Variants in SLC25A12 observed in about 807,000 individuals in gnomAD.
SLC25A12 encodes electrogenic aspartate/glutamate antiporter SLC25A12, mitochondrial.
In SLC25A12, 32 loss-of-function variants were observed where a neutral mutation model predicts 83.3. The ratio of observed to expected loss-of-function variants is 0.38; its 90% CI spans 0.29 to 0.52. SLC25A12 has a LOEUF of 0.52. Among genes scored for constraint, SLC25A12 ranks in the 20% least tolerant of loss-of-function variants. The pLI is 0.84. For missense variants in SLC25A12, 611 were observed against 835.6 expected, an observed-to-expected ratio of 0.73 and a Z score of 3.31; for synonymous variants, 267 against 291.1, an observed-to-expected ratio of 0.92 and a Z score of 0.84.
At chr2:171,818,760 C>A (rs1201981017) in intron 9 of SLC25A12, among the ~76,000 whole-genome samples, 1 of 151,954 alleles carries the variant, frequency 6.6e-6, no homozygotes, top group African/African-American at 2.4e-5. Context: ...TGTCAGTTAA[C>A]AAGTCAAACC....
chr2:171,874,989 G>C (rs571980094), intron 2 of SLC25A12, among the ~76,000 whole-genome samples: 1 of 152,268 alleles, frequency 6.6e-6, no homozygotes, highest in East Asian at 1.9e-4. Context: ...TGGGAAATTG[G>C]CTGTTCGCAA....
intron 2 of SLC25A12, among the ~76,000 whole-genome samples, chr2:171,882,320 C>G (rs1039082461): frequency 1.6e-4 from 24 of 152,214 alleles, no homozygotes; most frequent in Non-Finnish European, 2.1e-4. Context: ...CAGAGGTGAG[C>G]ATGTGAACCA....
Position 171,813,633 on chromosome 2 carries a change from T to C in SLC25A12, c.1013-136A>G, listed in dbSNP as rs1683991124. The stretch of plus-strand genomic sequence containing the variant: ...CTCACAAAAGAGAGTTTATTATTTT[T>C]CTTTCCCTCACAAACACCTTAGGGA... On this transcript the variant is annotated intron_variant, in intron 10 of 17. Transcript: ENST00000422440. 3.9e-6 allele frequency: 4 copies of C among 1,026,060 alleles called. No individual in the cohort carries two copies. The South Asian group carries it at 5.5e-5, about 14-fold the overall frequency. The allele number at this position is 1,026,060 out of a possible 1,614,324, so 63.6% of individuals were successfully genotyped here.
intron 6 of SLC25A12, among the ~76,000 whole-genome samples, chr2:171,835,861 G>GCAACC (rs1684544612): frequency 6.7e-6 from 1 of 149,296 alleles, no homozygotes; most frequent in Admixed American, 6.8e-5. Flanking sequence ...TTGGATACCA[G>GCAACC]CAACCCAAAA....
At chr2:171,824,536 A>C (rs1395169233) in intron 9 of SLC25A12, among the ~76,000 whole-genome samples, 2 of 152,246 alleles carry the variant, frequency 1.3e-5, no homozygotes, top group African/African-American at 4.8e-5. Context: ...ATCAATAGAC[A>C]CATGCAACAC....
intron 6 of SLC25A12, 65 bp from the exon 7 acceptor site, chr2:171,834,930 G>A (rs1220716555): frequency 1.3e-6 from 2 of 1,533,482 alleles, no homozygotes; most frequent in East Asian, 4.8e-5. Flanking sequence ...TATGGACACT[G>A]TACTTTTCTC....
intron 9 of SLC25A12, among the ~76,000 whole-genome samples, chr2:171,821,269 A>G (rs1466399271): frequency 4.6e-5 from 7 of 151,974 alleles, no homozygotes; most frequent in Admixed American, 3.3e-4. Context: ...CACCCACCTC[A>G]GCTTCCCAAA....
intron 15 of SLC25A12, 54 bp downstream of exon 15, chr2:171,791,397 G>A: frequency 2.1e-6 from 3 of 1,439,930 alleles, no homozygotes; most frequent in Non-Finnish European, 2.9e-6. Context: ...TAGAGATTCT[G>A]TACTTTTTAA....
chr2:171,894,237 G>A lies in SLC25A12; in HGVS notation c.-23C>T, dbSNP rs1191023704. On this transcript the variant is annotated 5_prime_UTR_variant, in exon 1 of 18. Coordinates refer to ENST00000422440, the MANE Select transcript of SLC25A12 (RefSeq NM_003705.5). ...CATGCTGTGCTCGGAAGCCGGGGAC[G>A]AGCGAGTGAGCGAGCAGGGCCGAGC... 1 of 1,605,784 alleles carries A rather than the reference G, an allele frequency of 6.2e-7. No homozygotes were observed.
chr2:171,868,311 A>AT (rs71013084), intron 3 of SLC25A12, among the ~76,000 whole-genome samples: 97,693 of 129,522 alleles, frequency 0.75, 38,110 homozygotes, highest in East Asian at 0.87. Context: ...GGGTTTTTTA[A>AT]TTTTTTTTTT....
At chr2:171,831,047 C>T (rs1269289320) in intron 8 of SLC25A12, among the ~76,000 whole-genome samples, 6 of 152,350 alleles carry the variant, frequency 3.9e-5, no homozygotes, top group Non-Finnish European at 4.4e-5. Flanking sequence ...GACTGAGCAG[C>T]GAGCTGCGTA....
chr2:171,858,857 A>G (rs1373163334), intron 3 of SLC25A12, among the ~76,000 whole-genome samples: 6 of 152,236 alleles, frequency 3.9e-5, no homozygotes, highest in African/African-American at 1.4e-4. Flanking sequence ...CTCTTGTCAC[A>G]TAGGTTTCCA....
chr2:171,863,224 T>C (rs967464340), intron 3 of SLC25A12, among the ~76,000 whole-genome samples: 11 of 152,194 alleles, frequency 7.2e-5, no homozygotes, highest in African/African-American at 2.6e-4. Context: ...TTTAAAAAGA[T>C]GATTATAAGA....
intron 3 of SLC25A12, among the ~76,000 whole-genome samples, chr2:171,866,636 G>T (rs1268592153): frequency 7.8e-5 from 11 of 140,374 alleles, no homozygotes; most frequent in Admixed American, 2.8e-4. Flanking sequence ...CGGGCGGGGG[G>T]CTGACCCCCC....
intron 2 of SLC25A12, among the ~76,000 whole-genome samples, chr2:171,883,030 A>G (rs1685729037): frequency 1.3e-5 from 2 of 152,152 alleles, no homozygotes; most frequent in African/African-American, 4.8e-5. Flanking sequence ...AGAAATCGGT[A>G]TTTGTCAATA....
At chr2:171,813,552 CA>C in intron 10 of SLC25A12, 55 bp from the exon 11 acceptor site, 1 of 1,546,734 alleles carries the variant, frequency 6.5e-7, no homozygotes, top group Non-Finnish European at 8.9e-7. Flanking sequence ...ATGGAGAGTC[CA>C]TAAGGATGAC....
chr2:171,831,131 T>C, intron 8 of SLC25A12, among the ~76,000 whole-genome samples: 1 of 152,226 alleles, frequency 6.6e-6, no homozygotes, highest in Non-Finnish European at 1.5e-5. Context: ...ACAGTTTTGT[T>C]TTTCTTCTCA....
intron 2 of SLC25A12, among the ~76,000 whole-genome samples, chr2:171,892,316 C>T (rs968933069): frequency 3.3e-5 from 5 of 151,402 alleles, no homozygotes; most frequent in Admixed American, 3.3e-4. Flanking sequence ...AGCTCCGCTT[C>T]CCGGGTTAAC....
intron 4 of SLC25A12, among the ~76,000 whole-genome samples, chr2:171,850,788 C>T (rs949673022): frequency 1.2e-4 from 19 of 152,190 alleles, no homozygotes; most frequent in African/African-American, 3.6e-4. Context: ...TATTGCATGT[C>T]TATAGCTTTG....
Sources: allele counts gnomAD v4.1 joint callset (sites outside exome capture counted in the v4.1 genomes callset), GRCh38; gene constraint gnomAD v4.1.1; transcripts MANE v1.5; gene names NCBI Gene and HGNC (gene_info 2026-07-23, HGNC 2026-07-21).